Variants in ZNF12 observed in about 807,000 individuals in gnomAD.
ZNF12 encodes gonadotropin inducible transcription repressor 3.
Under a neutral mutation model 66.6 loss-of-function variants are expected in ZNF12, and 34 were observed. The observed-to-expected ratio is 0.51, with a 90% confidence interval of 0.39 to 0.68. The LOEUF is 0.68. Among genes scored for constraint, ZNF12 ranks in the 30% least tolerant of loss-of-function variants. The pLI, the probability that ZNF12 is intolerant of heterozygous loss-of-function variation, is 0.00. For missense variants in ZNF12, 697 were observed against 826.9 expected, an observed-to-expected ratio of 0.84 and a Z score of 1.93; for synonymous variants, 320 against 278.9, an observed-to-expected ratio of 1.15 and a Z score of -1.47.
At chr7:6,701,073 G>C (rs748979486) in intron 2 of ZNF12, among the ~76,000 whole-genome samples, 9 of 152,190 alleles carry the variant, frequency 5.9e-5, no homozygotes, top group Non-Finnish European at 1.2e-4. Context: ...ATATTCCTGG[G>C]CTCAAGTGAT....
intron 2 of ZNF12, among the ~76,000 whole-genome samples, chr7:6,702,402 AGATTCGTCTCCCAAACTACACGCACG>A: frequency 1.2e-5 from 1 of 80,650 alleles, no homozygotes; most frequent in African/African-American, 4.9e-5. Flanking sequence ...ACACACAACC[AGATTCGTCTCCCAAACTACACGCACG>A]CACACACACC....
intron 2 of ZNF12, among the ~76,000 whole-genome samples, chr7:6,702,100 T>C (rs1780253744): frequency 6.6e-6 from 1 of 152,020 alleles, no homozygotes. Flanking sequence ...ATCCCAGCAC[T>C]ATTTCTCAGT....
In ZNF12 at chr7:6,706,616, A is replaced by G; in HGVS notation, c.-235T>C. On this transcript the variant is annotated 5_prime_UTR_variant, in exon 1 of 5. Transcript: ENST00000405858. ...GCGGGGCGTCCCTCCCGGAGCCCAG[A>G]TCCGTCTCCCTGGGGCTCACCGTCC... The G allele has an allele frequency of 2.2e-6, 1 of 451,430 alleles. No homozygotes were observed. Among genetic ancestry groups the G allele is most frequent in the South Asian group, 1.6e-5 (1 of 64,128 alleles). The allele number at this position is 451,430 out of a possible 1,614,324, so 28.0% of individuals were successfully genotyped here. A position where few individuals can be genotyped will look rare whatever the true frequency, so the allele number is the denominator to read the frequency against.
At chr7:6,702,288 C>G (rs1257083298) in intron 2 of ZNF12, among the ~76,000 whole-genome samples, 1 of 141,638 alleles carries the variant, frequency 7.1e-6, no homozygotes, top group African/African-American at 2.9e-5. Flanking sequence ...CCAGATTCGT[C>G]TCCCAAACTC....
rs532178601 is a variant in ZNF12, at chr7:6,701,637, C to T, written c.15+3522G>A. Among the ~76,000 whole-genome samples, 10 of 152,192 alleles carry T rather than the reference C, an allele frequency of 6.6e-5. 1 individual carries two copies. In the South Asian group the frequency reaches 2.1e-3, roughly 32 times the overall value. Reference sequence around the variant, plus strand: ...GATGCAGCTGCTCTCTCCCAAAACCCGGCCGTCACCCCTCACTCTTGGCTG... The same window carrying T: ...GATGCAGCTGCTCTCTCCCAAAACCTGGCCGTCACCCCTCACTCTTGGCTG... On this transcript the variant is annotated intron_variant, in intron 2 of 4. Transcript: ENST00000405858.
At chr7:6,700,913 C>T (rs1325567268) in intron 2 of ZNF12, 4 of 152,224 alleles carry the variant, frequency 2.6e-5, no homozygotes, top group Non-Finnish European at 5.9e-5. Context: ...CCTTTCCCTT[C>T]CTTGAATGAC....
rs530363648 is a variant in ZNF12 at position 6,696,035 on chromosome 7, G to A, written c.238+1304C>T. Among the ~76,000 whole-genome samples, 1 of 152,296 alleles carries A rather than the reference G, an allele frequency of 6.6e-6. No homozygotes were observed. The highest frequency in any genetic ancestry group is 1.9e-4 in the East Asian group (1 of 5,192). ...TATTGTTGAGATCCTTAAGGGACAA[G>A]GAATTAAAATTCCCTTTAGGAAGTA... On this transcript the variant is annotated intron_variant, in intron 4 of 4. Transcript: ENST00000405858. The surrounding 1 kb of genome is among the most constrained non-coding windows in gnomAD (Gnocchi z 4.0).
Position 6,705,040 on chromosome 7 carries a change from G to A in ZNF12, c.15+119C>T. ...GCTTGGTGCTGATGGCTACTGTTCT[G>A]TCTGACCAAATCTTGTATCTATTTC... On this transcript the variant is annotated intron_variant, in intron 2 of 4. Coordinates refer to ENST00000405858, the MANE Select transcript of ZNF12 (RefSeq NM_016265.4). The surrounding 1 kb of genome is among the most constrained non-coding windows in gnomAD (Gnocchi z 4.0). 3.2e-6 allele frequency: 4 copies of A among 1,239,872 alleles called. No individual in the cohort carries two copies. In the South Asian group the frequency reaches 4.7e-5, roughly 14 times the overall value. 76.8% of individuals were successfully genotyped at this position (1,239,872 alleles called of 1,614,324 possible). A position where few individuals can be genotyped will look rare whatever the true frequency, so the allele number is the denominator to read the frequency against.
rs1022871282 is a variant in ZNF12 at position 6,698,584 on chromosome 7, T to C, written c.16-773A>G. Reference sequence around the variant, plus strand: ...GCTGGGCAACACACATTCTAGTTTTTATTTTTACTGCCAAGTGACCAAGCC... The same window carrying C: ...GCTGGGCAACACACATTCTAGTTTTCATTTTTACTGCCAAGTGACCAAGCC... On this transcript the variant is annotated intron_variant, in intron 2 of 4. Transcript: ENST00000405858. This position sits in a 1 kb window ranked among gnomAD's most constrained non-coding sequence, Gnocchi z 4.4. 6.6e-6 allele frequency among the ~76,000 whole-genome samples: 1 copy of C among 152,244 alleles called. No individual in the cohort carries two copies. Among genetic ancestry groups the C allele is most frequent in the African/African-American group, 2.4e-5 (1 of 41,466 alleles).
intron 2 of ZNF12, among the ~76,000 whole-genome samples, chr7:6,702,181 T>C (rs1012372519): frequency 6.6e-6 from 1 of 151,924 alleles, no homozygotes; most frequent in Non-Finnish European, 1.5e-5. Context: ...CTCATTCCCT[T>C]GGCTTCAGAA....
At chr7:6,701,389 G>A (rs2115354085) in intron 2 of ZNF12, among the ~76,000 whole-genome samples, 1 of 152,312 alleles carries the variant, frequency 6.6e-6, no homozygotes, top group South Asian at 2.1e-4. Flanking sequence ...AGCCAAGCAA[G>A]GAGGGAGCTT....
intron 2 of ZNF12, chr7:6,704,175 A>T (rs963986458): frequency 6.6e-6 from 1 of 151,928 alleles, no homozygotes; most frequent in African/African-American, 2.4e-5. Context: ...CGTCTCTACT[A>T]AAAAAATACA....
chr7:6,703,641 G>C (rs948314974), intron 2 of ZNF12, among the ~76,000 whole-genome samples: 5 of 152,188 alleles, frequency 3.3e-5, no homozygotes, highest in African/African-American at 1.2e-4. Context: ...ACACTCCAAA[G>C]AAATGCTAAG....
chr7:6,697,961 T>C lies in ZNF12; in HGVS notation c.16-150A>G, dbSNP rs767576535. 1.5e-5 allele frequency: 15 copies of C among 981,048 alleles called. No homozygotes were observed. Among genetic ancestry groups the C allele is most frequent in the Non-Finnish European group, 2.1e-5 (13 of 614,932 alleles). 60.8% of individuals were successfully genotyped at this position (981,048 alleles called of 1,614,324 possible). Reference sequence around the variant, plus strand: ...CAAAGGGAAACAAACATATCAGAAATACACTGTTCTGGGGTTCATTCAGTA... The same window carrying C: ...CAAAGGGAAACAAACATATCAGAAACACACTGTTCTGGGGTTCATTCAGTA... On this transcript the variant is annotated intron_variant, in intron 2 of 4. Transcript: ENST00000405858. The surrounding 1 kb of genome is among the most constrained non-coding windows in gnomAD (Gnocchi z 6.1).
At position 6,691,585 on chromosome 7, in the gene ZNF12, T is replaced by C; in HGVS notation, c.1357A>G (p.Thr453Ala). 6.2e-7 allele frequency: 1 copy of C among 1,614,078 alleles called. No homozygotes were observed. Among genetic ancestry groups the C allele is most frequent in the Non-Finnish European group, 8.5e-7 (1 of 1,179,932 alleles). Residue 453 changes from threonine (T) to alanine (A), a missense_variant, in exon 5 of 5, where the codon ACT (threonine) becomes GCT (alanine). Around this residue, in one of 3 missense-constraint regions of ZNF12, gnomAD observed 401 missense variants for 519.0 expected, o/e 0.77. Coordinates refer to ENST00000405858, the MANE Select transcript of ZNF12 (RefSeq NM_016265.4). ...CCTGAATGAGTTCTATAATGTACAG[T>C]GAGATATGACAACCGAGAGAAGAAT... ...GKFFSRLSYL[T>A]VHYRTHSGEK...
chr7:6,691,262 C>CT lies in ZNF12; in HGVS notation c.1679dup (p.Met561AspfsTer9), dbSNP rs1353256074. 6.2e-7 allele frequency: 1 copy of CT among 1,614,142 alleles called. No individual in the cohort carries two copies. On this transcript the variant is annotated frameshift_variant, in exon 5 of 5. Coordinates refer to ENST00000405858, the MANE Select transcript of ZNF12 (RefSeq NM_016265.4). LOFTEE classifies it high-confidence loss of function. ...TATGATGTATAGTGAGGTATGACATCTGAGAGAAGAATTTTCCACATATAT... is the reference window on the plus strand; with the variant it reads ...TATGATGTATAGTGAGGTATGACATCTTGAGAGAAGAATTTTCCACATATAT...
At position 6,690,653 on chromosome 7, in the gene ZNF12, A is replaced by T; in HGVS notation, c.*195T>A. On this transcript the variant is annotated 3_prime_UTR_variant, in exon 5 of 5. Coordinates refer to ENST00000405858, the MANE Select transcript of ZNF12 (RefSeq NM_016265.4). ...ATAAATTTTTACTTGTCTATAGTCTAGTATTGTTATACCATGTGGTCTTGT... is the reference window on the plus strand; with the variant it reads ...ATAAATTTTTACTTGTCTATAGTCTTGTATTGTTATACCATGTGGTCTTGT... 3.5e-6 allele frequency: 2 copies of T among 570,058 alleles called. No individual in the cohort carries two copies. Among genetic ancestry groups the T allele is most frequent in the Non-Finnish European group, 6.1e-6 (2 of 330,202 alleles). The allele number at this position is 570,058 out of a possible 1,614,324, so 35.3% of individuals were successfully genotyped here.
intron 4 of ZNF12, among the ~76,000 whole-genome samples, chr7:6,695,447 T>A (rs915158307): frequency 1.3e-5 from 2 of 152,062 alleles, no homozygotes; most frequent in East Asian, 3.9e-4. Flanking sequence ...TTGCAAGCAA[T>A]CCTCCTGCCT....
intron 4 of ZNF12, among the ~76,000 whole-genome samples, chr7:6,693,334 C>G (rs1780103198): frequency 1.3e-5 from 2 of 152,210 alleles, no homozygotes; most frequent in Admixed American, 6.5e-5. Flanking sequence ...AGCCCTATAA[C>G]CAGGGCATTC....
Sources: allele counts gnomAD v4.1 joint callset (sites outside exome capture counted in the v4.1 genomes callset), GRCh38; gene constraint gnomAD v4.1.1; regional missense constraint gnomAD v4.1.1; non-coding constraint Gnocchi (gnomAD v3.1); transcripts MANE v1.5; gene names NCBI Gene and HGNC (gene_info 2026-07-23, HGNC 2026-07-21).